CNGB3: variants seen among roughly 807,000 people sequenced by gnomAD.
CNGB3 encodes the protein cyclic nucleotide-gated channel beta-3.
A neutral mutation model predicts 92.8 loss-of-function variants in CNGB3; 86 were observed. That is an observed-to-expected ratio of 0.93 (90% CI 0.78 to 1.11). CNGB3 has a LOEUF of 1.11. CNGB3 is among the 50% of genes least tolerant of loss of function. CNGB3 has a pLI of 0.00. For synonymous variants in CNGB3, 333 were observed against 332.7 expected, an observed-to-expected ratio of 1.00 and a Z score of -0.01; for missense variants, 1,026 against 956.8, an observed-to-expected ratio of 1.07 and a Z score of -0.95.
intron 1 of CNGB3, among the ~76,000 whole-genome samples, chr8:86,740,204 C>T (rs4961214): frequency 6.6e-6 from 1 of 152,096 alleles, no homozygotes; most frequent in African/African-American, 2.4e-5. Flanking sequence ...GTGTGTGCCT[C>T]AGGATGTTCC....
At chr8:86,604,787 T>C (rs1378302115) in intron 14 of CNGB3, among the ~76,000 whole-genome samples, 2 of 152,204 alleles carry the variant, frequency 1.3e-5, no homozygotes, top group South Asian at 4.1e-4. Context: ...GCAATGATCT[T>C]TGTTCAAGCC....
chr8:86,661,957 TG>T, intron 6 of CNGB3: 1 of 628,548 alleles, frequency 1.6e-6, no homozygotes, highest in Non-Finnish European at 2.9e-6. Context: ...CAACCCATCA[TG>T]GAACAGTCCT....
intron 3 of CNGB3, among the ~76,000 whole-genome samples, chr8:86,715,618 A>G (rs1248551530): frequency 6.6e-6 from 1 of 152,094 alleles, no homozygotes; most frequent in African/African-American, 2.4e-5. Context: ...AGATCTCACC[A>G]GCTCACCAGC....
chr8:86,741,748 A>G (rs1350967269), intron 1 of CNGB3, among the ~76,000 whole-genome samples: 2 of 152,164 alleles, frequency 1.3e-5, no homozygotes, highest in Non-Finnish European at 2.9e-5. Context: ...TTGGAATGGC[A>G]TGGGATATAC....
At chr8:86,604,039 T>A in intron 15 of CNGB3, 54 bp downstream of exon 15, 2 of 1,222,862 alleles carry the variant, frequency 1.6e-6, no homozygotes, top group Non-Finnish European at 2.4e-6. Context: ...ACCTAAGACT[T>A]TTCTTTTATG....
At chr8:86,668,222 G>C in intron 4 of CNGB3, 54 bp from the exon 5 acceptor site, 1 of 1,560,852 alleles carries the variant, frequency 6.4e-7, no homozygotes, top group Non-Finnish European at 8.7e-7. Flanking sequence ...AGTTAGTTTA[G>C]TTAAAAACTT....
chr8:86,727,758 T>C (rs1825086916), intron 2 of CNGB3, among the ~76,000 whole-genome samples: 1 of 152,172 alleles, frequency 6.6e-6, no homozygotes, highest in Admixed American at 6.5e-5. Context: ...TAATTGGATG[T>C]CTTGTGCTTA....
In CNGB3 at chr8:86,667,126, G is replaced by C. The variant is rs1192678789; in HGVS notation, c.651C>G (p.Leu217=). 1.2e-6 allele frequency: 2 copies of C among 1,613,784 alleles called. No individual in the cohort carries two copies. The highest frequency in any genetic ancestry group is 1.7e-6 in the Non-Finnish European group (2 of 1,179,780). ...TGACAAGCAAGAGCCACAGGAGATA[G>C]AGTCGATCTGGAAAAACAGCAAGTG... is the stretch of plus-strand genomic sequence containing the variant. ...PNSIDSYTDR[L]YLLWLLLVTL... Residue 217 remains leucine, a synonymous_variant, in exon 6 of 18, where the codon CTC becomes CTG. Coordinates refer to ENST00000320005, the MANE Select transcript of CNGB3 (RefSeq NM_019098.5).
chr8:86,739,596 G>A, intron 2 of CNGB3, 59 bp downstream of exon 2: 1 of 1,590,798 alleles, frequency 6.3e-7, no homozygotes, highest in South Asian at 1.1e-5. Flanking sequence ...GCACATTTCA[G>A]ATACATATGT....
chr8:86,673,792 A>G (rs74322287), intron 3 of CNGB3, among the ~76,000 whole-genome samples: 1 of 152,142 alleles, frequency 6.6e-6, no homozygotes, highest in Admixed American at 6.5e-5. Context: ...GCATGAAAAA[A>G]TTTTTTGTGT....
At chr8:86,678,859 C>T (rs575521435) in intron 3 of CNGB3, among the ~76,000 whole-genome samples, 2 of 152,224 alleles carry the variant, frequency 1.3e-5, no homozygotes, top group East Asian at 3.9e-4. Flanking sequence ...GGCAACCCTT[C>T]CAAAATCTAA....
intron 13 of CNGB3, among the ~76,000 whole-genome samples, chr8:86,613,291 T>G (rs1822555001): frequency 6.6e-6 from 1 of 152,254 alleles, no homozygotes; most frequent in Non-Finnish European, 1.5e-5. Context: ...ATTACAAACA[T>G]AATTTTTTTT....
At chr8:86,740,980 A>G (rs1825330722) in intron 1 of CNGB3, among the ~76,000 whole-genome samples, 1 of 152,186 alleles carries the variant, frequency 6.6e-6, no homozygotes, top group Admixed American at 6.5e-5. Context: ...ATGTAGATTT[A>G]TGTGAAGAGT....
At chr8:86,645,910 G>A (rs933005277) in intron 8 of CNGB3, among the ~76,000 whole-genome samples, 2 of 150,844 alleles carry the variant, frequency 1.3e-5, no homozygotes, top group Non-Finnish European at 3.0e-5. Flanking sequence ...TTTATCCTAG[G>A]GAATTGTGCA....
intron 13 of CNGB3, among the ~76,000 whole-genome samples, chr8:86,612,097 A>G (rs1254171039): frequency 6.6e-6 from 1 of 152,182 alleles, no homozygotes; most frequent in African/African-American, 2.4e-5. Context: ...CTTTCTTAAA[A>G]CATGTTTCAC....
At chr8:86,701,957 G>A (rs576953674) in intron 3 of CNGB3, among the ~76,000 whole-genome samples, 2 of 152,204 alleles carry the variant, frequency 1.3e-5, no homozygotes, top group East Asian at 1.9e-4. Flanking sequence ...TAAAATTTTG[G>A]TGCATATTCT....
At chr8:86,658,249 C>T (rs945447840) in intron 6 of CNGB3, 29 of 542,284 alleles carry the variant, frequency 5.3e-5, no homozygotes, top group Admixed American at 3.8e-4. Flanking sequence ...TGCTCCTCCT[C>T]GGCACTGGCC....
At chr8:86,698,322 T>G (rs1029714112) in intron 3 of CNGB3, among the ~76,000 whole-genome samples, 1 of 152,228 alleles carries the variant, frequency 6.6e-6, no homozygotes, top group Non-Finnish European at 1.5e-5. Context: ...CAGATTTGAA[T>G]CTACCTTTGT....
intron 15 of CNGB3, chr8:86,593,628 C>T (rs527976041): frequency 1.9e-4 from 88 of 469,186 alleles, no homozygotes; most frequent in Middle Eastern, 6.3e-4. Flanking sequence ...CTATAAGGGG[C>T]GAGTGGGGTT....
Sources: allele counts gnomAD v4.1 joint callset (sites outside exome capture counted in the v4.1 genomes callset), GRCh38; gene constraint gnomAD v4.1.1; transcripts MANE v1.5; gene names NCBI Gene and HGNC (gene_info 2026-07-23, HGNC 2026-07-21).